The following VCL variants were observed in gnomAD, a reference collection of about 807,000 sequenced individuals.
The protein encoded by VCL is vinculin, also known as epididymis luminal protein 114.
Under a neutral mutation model 125.7 loss-of-function variants are expected in VCL, and 47 were observed. The observed-to-expected ratio is 0.37, with a 90% CI of 0.30 to 0.48. The LOEUF (loss-of-function observed/expected upper bound fraction) is 0.48. VCL is among the 20% of genes least tolerant of loss of function. The pLI, the probability that VCL is intolerant of heterozygous loss-of-function variation, is 0.99. For missense variants in VCL, 1,069 were observed against 1,455.5 expected, an observed-to-expected ratio of 0.73 and a Z score of 4.32; for synonymous variants, 458 against 514.6, an observed-to-expected ratio of 0.89 and a Z score of 1.49.
chr10:74,014,154 A>G (rs1169235590), intron 1 of VCL, among the ~76,000 whole-genome samples: 2 of 152,196 alleles, frequency 1.3e-5, no homozygotes, highest in Non-Finnish European at 2.9e-5. Context: ...ATATTTTCCA[A>G]TTTGAAGCAA....
chr10:74,103,114 C>T lies in VCL; in HGVS notation c.2023-706C>T, dbSNP rs528812574. Among the ~76,000 whole-genome samples the T allele has an allele frequency of 3.9e-5, 6 of 152,200 alleles. No individual in the cohort carries two copies. In the East Asian group the frequency reaches 9.6e-4, roughly 24 times the overall value. ...AACTCCTGACCTCAAGTGATCCACC[C>T]GCCTCGGTCTCCCAAAGTGCTGGGA... On this transcript the variant is annotated intron_variant, in intron 14 of 21. Transcript: ENST00000211998.
chr10:74,018,001 G>A (rs531384036), intron 1 of VCL, among the ~76,000 whole-genome samples: 387 of 150,292 alleles, frequency 2.6e-3, no homozygotes, highest in Middle Eastern at 0.017. Context: ...TCTACAAAAA[G>A]TATAAAAATT....
intron 1 of VCL, among the ~76,000 whole-genome samples, chr10:74,038,831 C>T (rs1181996522): frequency 6.6e-6 from 1 of 152,142 alleles, no homozygotes; most frequent in Non-Finnish European, 1.5e-5. Context: ...TGGATAATAA[C>T]TGTTTGCCAT....
intron 1 of VCL, among the ~76,000 whole-genome samples, chr10:74,023,810 A>G (rs1281522646): frequency 6.6e-6 from 1 of 152,252 alleles, no homozygotes; most frequent in African/African-American, 2.4e-5. Context: ...AAAAGGCACA[A>G]ACACAAATAG....
chr10:74,035,086 T>C (rs1185921552), intron 1 of VCL, among the ~76,000 whole-genome samples: 1 of 152,222 alleles, frequency 6.6e-6, no homozygotes, highest in Non-Finnish European at 1.5e-5. Flanking sequence ...ACATTTTTAA[T>C]GTAATGTTCT....
intron 17 of VCL, 50 bp downstream of exon 17, chr10:74,107,404 TC>T: frequency 6.2e-7 from 1 of 1,613,902 alleles, no homozygotes; most frequent in African/African-American, 1.3e-5. Context: ...TGTTGAGACT[TC>T]AGCAAGAGAG....
Position 74,074,917 on chromosome 10 carries a change from G to GT in VCL, c.783+15dup, listed in dbSNP as rs745336468. On this transcript the variant is annotated intron_variant, in intron 6 of 21. Transcript: ENST00000211998. Reference sequence around the variant, plus strand: ...TGGGCCAGCAAGGTACGTGTTCTTAGTGGAGAAATAAGCAAAATCCCCAAC... The same window carrying GT: ...TGGGCCAGCAAGGTACGTGTTCTTAGTTGGAGAAATAAGCAAAATCCCCAAC... The GT allele has an allele frequency of 2.2e-5, 35 of 1,613,998 alleles. No individual in the cohort carries two copies. Among genetic ancestry groups the GT allele is most frequent in the Non-Finnish European group, 3.0e-5 (35 of 1,180,012 alleles).
chr10:73,998,436 G>A lies in VCL; in HGVS notation c.168+61G>A. 3 of 1,305,398 alleles carry A rather than the reference G, an allele frequency of 2.3e-6. No individual in the cohort carries two copies. In the South Asian group the frequency reaches 6.8e-5, roughly 30 times the overall value. The allele number at this position is 1,305,398 out of a possible 1,614,324, so 80.9% of individuals were successfully genotyped here. ...GGAGGTATCCCCGGGGCCCCGGCCC[G>A]CGTCGCGGCTGCCTGTGGCCGGCTC... On this transcript the variant is annotated intron_variant, in intron 1 of 21. Coordinates refer to ENST00000211998, the MANE Select transcript of VCL (RefSeq NM_014000.3).
chr10:74,058,527 T>G (rs1034104002), intron 2 of VCL, among the ~76,000 whole-genome samples: 1 of 152,194 alleles, frequency 6.6e-6, no homozygotes, highest in Non-Finnish European at 1.5e-5. Flanking sequence ...AGATCAGTTT[T>G]AATTTTTTTG....
Position 74,101,044 on chromosome 10 carries a change from A to G in VCL, c.1969A>G (p.Thr657Ala), listed in dbSNP as rs779238311. The part of the protein sequence containing the change: ...AAAVGTANKS[T>A]VEGIQASVKT... ...TGCGGTTGGTACTGCTAATAAATCA[A>G]CAGTGGAAGGCATTCAGGCCTCAGT... Residue 657 changes from threonine (T) to alanine (A), a missense_variant, in exon 14 of 22, where the codon ACA becomes GCA. This residue lies in a region of VCL where 760 missense variants were observed against 928.9 expected (regional missense o/e 0.82). Coordinates refer to ENST00000211998, the MANE Select transcript of VCL (RefSeq NM_014000.3). The G allele has an allele frequency of 4.3e-6, 7 of 1,613,966 alleles. No homozygotes were observed. The South Asian group carries it at 7.7e-5, about 18-fold the overall frequency.
At chr10:74,094,746 C>A (rs966839887) in intron 11 of VCL, among the ~76,000 whole-genome samples, 1 of 151,928 alleles carries the variant, frequency 6.6e-6, no homozygotes, top group Non-Finnish European at 1.5e-5. Flanking sequence ...ATAGCAAGAC[C>A]CTCTCTGTAC....
At chr10:74,000,540 G>A (rs1565629677) in intron 1 of VCL, among the ~76,000 whole-genome samples, 1 of 152,044 alleles carries the variant, frequency 6.6e-6, no homozygotes, top group African/African-American at 2.4e-5. Context: ...TTAGCCTCCC[G>A]AGTAGCTGGG....
At chr10:74,074,690 T>A (rs963471943) in intron 5 of VCL, 53 bp from the exon 6 acceptor site, 6 of 1,594,618 alleles carry the variant, frequency 3.8e-6, no homozygotes, top group Non-Finnish European at 5.1e-6. Flanking sequence ...GTGAATATTG[T>A]TATACAACAA....
intron 1 of VCL, among the ~76,000 whole-genome samples, chr10:73,999,865 T>C (rs2136219509): frequency 6.6e-6 from 1 of 152,334 alleles, no homozygotes. Flanking sequence ...TTATAACTAA[T>C]TTGAACAGAA....
rs1261609577 is a variant in VCL at position 74,082,549 on chromosome 10, C to T, written c.874+5C>T. 2 of 1,613,856 alleles carry T rather than the reference C, an allele frequency of 1.2e-6. No individual in the cohort carries two copies. The highest frequency in any genetic ancestry group is 1.7e-5 in the Admixed American group (1 of 59,996). On this transcript the variant is annotated splice_donor_5th_base_variant and intron_variant, in intron 7 of 21. Transcript: ENST00000211998. ...GTGACCCTAGTGCCTCCCCAGGTAA[C>T]CCTCTAGTTCTGCTTTTCTGATCAA...
At position 74,075,153 on chromosome 10, in the gene VCL, C is replaced by T. The variant is rs146236857; in HGVS notation, c.783+250C>T. 804 of 493,848 alleles carry T rather than the reference C, an allele frequency of 1.6e-3. 2 individuals carry two copies. Among genetic ancestry groups the T allele is most frequent in the African/African-American group, 0.014 (739 of 51,482 alleles). 30.6% of individuals were successfully genotyped at this position (493,848 alleles called of 1,614,324 possible). ...ACTGGTTTAAGGCTGAGATTTATAG[C>T]TTTTCCATCAGGCTGGAGTCTTATT... is the stretch of plus-strand genomic sequence containing the variant. On this transcript the variant is annotated intron_variant, in intron 6 of 21. Transcript: ENST00000211998.
chr10:74,106,635 A>G (rs1204516285), intron 16 of VCL, among the ~76,000 whole-genome samples: 2 of 152,198 alleles, frequency 1.3e-5, no homozygotes, highest in Non-Finnish European at 1.5e-5. Context: ...GGGCTCCCCT[A>G]TTCATCTCTG....
chr10:74,065,787 GTA>G (rs2136269223), intron 2 of VCL, among the ~76,000 whole-genome samples: 1 of 152,114 alleles, frequency 6.6e-6, no homozygotes, highest in Admixed American at 6.5e-5. Flanking sequence ...GATCAAGTCT[GTA>G]TACTGCTGGT....
intron 2 of VCL, among the ~76,000 whole-genome samples, chr10:74,060,971 ATT>A (rs555317931): frequency 6.6e-6 from 1 of 152,070 alleles, no homozygotes; most frequent in East Asian, 1.9e-4. Flanking sequence ...ATAGCATAAG[ATT>A]TTTTTTCTAG....
Sources: allele counts gnomAD v4.1 joint callset (sites outside exome capture counted in the v4.1 genomes callset), GRCh38; gene constraint gnomAD v4.1.1; regional missense constraint gnomAD v4.1.1; transcripts MANE v1.5; gene names NCBI Gene and HGNC (gene_info 2026-07-23, HGNC 2026-07-21).